The following STK31 variants were observed in gnomAD, a reference collection of about 807,000 sequenced individuals.
STK31 encodes serine/threonine-protein kinase 31.
Under a neutral mutation model 129.7 loss-of-function variants are expected in STK31, and 89 were observed. The ratio of observed to expected loss-of-function variants is 0.69; its 90% CI spans 0.58 to 0.82. STK31 has a LOEUF of 0.82. STK31 is among the 40% of genes least tolerant of loss of function. STK31 has a pLI of 0.00. For synonymous variants in STK31, 448 were observed against 395.3 expected (o/e 1.13, Z -1.58); for missense variants, 1,187 against 1,176.4 (o/e 1.01, Z -0.13).
At chr7:23,759,210 T>A (rs918112306) in intron 10 of STK31, among the ~76,000 whole-genome samples, 7 of 152,098 alleles carry the variant, frequency 4.6e-5, no homozygotes, top group Admixed American at 4.6e-4. Flanking sequence ...CCACTGTCAG[T>A]ATTAGATCAA....
intron 16 of STK31, among the ~76,000 whole-genome samples, chr7:23,781,887 C>G (rs1790952067): frequency 6.6e-6 from 1 of 151,932 alleles, no homozygotes; most frequent in Admixed American, 6.6e-5. Context: ...TGCCTTTTTT[C>G]TGTTTAACAT....
intron 15 of STK31, among the ~76,000 whole-genome samples, chr7:23,780,858 G>C (rs1045269009): frequency 3.3e-5 from 5 of 152,158 alleles, no homozygotes; most frequent in African/African-American, 1.2e-4. Context: ...TCTTATTTAG[G>C]AATAAAATGA....
In STK31 at chr7:23,770,853, G is replaced by A. The variant is rs184483228; in HGVS notation, c.1714-152G>A. The A allele has an allele frequency of 1.3e-4, 106 of 800,816 alleles. No individual in the cohort carries two copies. The Admixed American group carries it at 3.5e-3, about 26-fold the overall frequency. 49.6% of individuals were successfully genotyped at this position (800,816 alleles called of 1,614,324 possible). ...CATCTTTGATATCTATCTATCTTCT[G>A]ACTAGGAAAACATTTGTGTTTAAGA... On this transcript the variant is annotated intron_variant, in intron 13 of 23. Transcript: ENST00000355870.
chr7:23,711,998 A>G (rs1785995448), intron 1 of STK31, 101 bp from the exon 2 acceptor site: 2 of 1,005,268 alleles, frequency 2.0e-6, no homozygotes, highest in Admixed American at 2.8e-5. Flanking sequence ...TGATAACTGC[A>G]TTTAGGACAA....
intron 22 of STK31, among the ~76,000 whole-genome samples, chr7:23,797,648 A>G (rs1483968163): frequency 6.6e-6 from 1 of 152,232 alleles, no homozygotes; most frequent in African/African-American, 2.4e-5. Flanking sequence ...AAATGCCCAC[A>G]GGAGAAAGCG....
chr7:23,764,221 G>A (rs2390812), intron 11 of STK31, among the ~76,000 whole-genome samples: 149,246 of 152,306 alleles, frequency 0.98, 73,218 homozygotes, highest in East Asian at 1. Flanking sequence ...CCACAATGCA[G>A]CTTCTACTTT....
intron 6 of STK31, among the ~76,000 whole-genome samples, chr7:23,730,583 C>T (rs1037117852): frequency 5.9e-5 from 9 of 151,904 alleles, no homozygotes; most frequent in African/African-American, 1.4e-4. Context: ...ATTATCTGCT[C>T]TCACTTTGTT....
At chr7:23,760,219 G>T (rs1789377181) in intron 10 of STK31, among the ~76,000 whole-genome samples, 1 of 152,158 alleles carries the variant, frequency 6.6e-6, no homozygotes, top group Non-Finnish European at 1.5e-5. Context: ...GCACCTGTGA[G>T]CTCTATACTT....
At chr7:23,774,594 C>T (rs1407304041) in intron 15 of STK31, among the ~76,000 whole-genome samples, 1 of 152,168 alleles carries the variant, frequency 6.6e-6, no homozygotes, top group African/African-American at 2.4e-5. Flanking sequence ...TGAGAAGTGT[C>T]TGTTCATATC....
At chr7:23,726,450 A>AAG (rs1787083437) in intron 4 of STK31, 1 of 149,942 alleles carries the variant, frequency 6.7e-6, no homozygotes, top group African/African-American at 2.5e-5. Flanking sequence ...AAAAAAAAAA[A>AAG]AAAAAAATAC....
At chr7:23,712,703 A>G (rs1189440888) in intron 3 of STK31, among the ~76,000 whole-genome samples, 10 of 151,764 alleles carry the variant, frequency 6.6e-5, no homozygotes, top group Admixed American at 6.6e-4. Flanking sequence ...GAGATGTGGT[A>G]TTTTTCTCAT....
chr7:23,822,642 G>C (rs943415754), intron 23 of STK31, among the ~76,000 whole-genome samples: 1 of 152,018 alleles, frequency 6.6e-6, no homozygotes, highest in Admixed American at 6.5e-5. Context: ...TAGGATACAT[G>C]TGCACAACGT....
At chr7:23,784,686 TA>T (rs559533160) in intron 17 of STK31, among the ~76,000 whole-genome samples, 17 of 148,626 alleles carry the variant, frequency 1.1e-4, no homozygotes, top group South Asian at 2.1e-4. Context: ...CGACAAGACT[TA>T]AAAAAAAAAC....
intron 23 of STK31, among the ~76,000 whole-genome samples, chr7:23,828,935 G>A (rs772306327): frequency 1.3e-5 from 2 of 150,156 alleles, no homozygotes; most frequent in African/African-American, 2.5e-5. Context: ...AGTTTCGTTC[G>A]TGTTGCCCAG....
chr7:23,788,120 C>G lies in STK31; in HGVS notation c.2628C>G (p.Thr876=), dbSNP rs1791410525. ...EQGIVGDFDF[T]KSVSQRASVN... is the part of the protein sequence containing the mutation. ...GAATTGTTGGAGATTTTGACTTCAC[C>G]AAATCTGTGGTAAGATATCATGGTT... Residue 876 remains threonine, a synonymous_variant, in exon 21 of 24, where the codon ACC becomes ACG. Transcript: ENST00000355870. 6.2e-7 allele frequency: 1 copy of G among 1,608,862 alleles called. No homozygotes were observed. The highest frequency in any genetic ancestry group is 8.5e-7 in the Non-Finnish European group (1 of 1,178,070).
chr7:23,719,413 C>T (rs1450174768), intron 4 of STK31, among the ~76,000 whole-genome samples: 1 of 151,924 alleles, frequency 6.6e-6, no homozygotes, highest in Non-Finnish European at 1.5e-5. Flanking sequence ...CACATCTAAA[C>T]AGAAGCTCTA....
At chr7:23,799,542 A>G (rs1792230640) in intron 22 of STK31, among the ~76,000 whole-genome samples, 2 of 152,166 alleles carry the variant, frequency 1.3e-5, no homozygotes, top group Admixed American at 6.5e-5. Flanking sequence ...GGCTAGCCAT[A>G]TGCAGAAAAC....
chr7:23,719,672 A>C (rs1028061610), intron 4 of STK31, among the ~76,000 whole-genome samples: 6 of 152,056 alleles, frequency 3.9e-5, no homozygotes, highest in African/African-American at 1.2e-4. Context: ...CTACCACCCC[A>C]CCCACTGGTA....
At chr7:23,770,556 C>T (rs1790117626) in intron 13 of STK31, among the ~76,000 whole-genome samples, 1 of 152,132 alleles carries the variant, frequency 6.6e-6, no homozygotes, top group East Asian at 1.9e-4. Flanking sequence ...CATTAATGCT[C>T]TTATTCTACA....
Sources: allele counts gnomAD v4.1 joint callset (sites outside exome capture counted in the v4.1 genomes callset), GRCh38; gene constraint gnomAD v4.1.1; transcripts MANE v1.5; gene names NCBI Gene and HGNC (gene_info 2026-07-23, HGNC 2026-07-21).